Variants in CACNA2D1 observed in about 807,000 individuals in gnomAD.
The protein encoded by CACNA2D1 is calcium voltage-gated channel auxiliary subunit alpha2delta 1.
A neutral mutation model predicts 171.5 loss-of-function variants in CACNA2D1; 53 were observed. That is an observed-to-expected ratio of 0.31 (90% CI 0.25 to 0.39). The LOEUF (loss-of-function observed/expected upper bound fraction) is 0.39, where lower values mean the gene tolerates loss of function less well. CACNA2D1 is among the 10% of genes least tolerant of loss of function. The pLI is 1.00. For missense variants in CACNA2D1, 903 were observed against 1,299.8 expected (o/e 0.69, Z 4.69); for synonymous variants, 442 against 443.1 (o/e 1.00, Z 0.03).
chr7:82,071,615 A>G (rs1808328043), intron 7 of CACNA2D1, among the ~76,000 whole-genome samples: 2 of 152,008 alleles, frequency 1.3e-5, no homozygotes, highest in African/African-American at 4.8e-5. Flanking sequence ...TATGGGGAGG[A>G]GCTGAATATG....
intron 1 of CACNA2D1, among the ~76,000 whole-genome samples, chr7:82,422,450 T>A (rs1253254310): frequency 6.6e-6 from 1 of 152,178 alleles, no homozygotes; most frequent in African/African-American, 2.4e-5. Context: ...TGTCTAGCAC[T>A]ATTTATATTG....
chr7:82,057,111 C>G (rs747310603), intron 10 of CACNA2D1, among the ~76,000 whole-genome samples: 1 of 152,090 alleles, frequency 6.6e-6, no homozygotes, highest in African/African-American at 2.4e-5. Context: ...TGTGCTGAAG[C>G]CAGCTTGTAA....
chr7:82,438,865 G>A (rs541600656), intron 1 of CACNA2D1, among the ~76,000 whole-genome samples: 10 of 152,090 alleles, frequency 6.6e-5, no homozygotes, highest in African/African-American at 1.7e-4. Context: ...ATAATGGACC[G>A]TTGTCATTTT....
intron 3 of CACNA2D1, among the ~76,000 whole-genome samples, chr7:82,180,840 C>A (rs1797046367): frequency 6.6e-6 from 1 of 151,714 alleles, no homozygotes; most frequent in African/African-American, 2.4e-5. Context: ...GGAAGAGGGA[C>A]AGAGAGAAAT....
At chr7:82,314,975 C>CTTTTTTTT (rs35145517) in intron 3 of CACNA2D1, among the ~76,000 whole-genome samples, 2 of 124,554 alleles carry the variant, frequency 1.6e-5, no homozygotes, top group Admixed American at 8.2e-5. Flanking sequence ...AGCATATTAT[C>CTTTTTTTT]TTTTTTTTTT....
chr7:82,383,318 C>T (rs866392303), intron 1 of CACNA2D1, among the ~76,000 whole-genome samples: 7 of 152,322 alleles, frequency 4.6e-5, no homozygotes, highest in Non-Finnish European at 8.8e-5. Context: ...GTAGGCAAGA[C>T]TGCCAGCGGT....
intron 3 of CACNA2D1, among the ~76,000 whole-genome samples, chr7:82,287,331 T>C (rs1426530209): frequency 6.6e-6 from 1 of 152,002 alleles, no homozygotes; most frequent in African/African-American, 2.4e-5. Context: ...ACTTAAATTA[T>C]ATTTAGGCAG....
intron 5 of CACNA2D1, among the ~76,000 whole-genome samples, chr7:82,125,388 T>A (rs1212997270): frequency 2.6e-5 from 4 of 152,194 alleles, no homozygotes; most frequent in Non-Finnish European, 5.9e-5. Flanking sequence ...ACTGAAGTCT[T>A]CTGAGGAATT....
At chr7:82,186,710 T>C (rs747566757) in intron 3 of CACNA2D1, among the ~76,000 whole-genome samples, 13 of 152,078 alleles carry the variant, frequency 8.5e-5, no homozygotes, top group Non-Finnish European at 1.5e-4. Context: ...ACAAAAGAAA[T>C]AGAAGGTAAG....
At chr7:82,060,160 TATATAATATATATATATA>T (rs1806485059) in intron 10 of CACNA2D1, among the ~76,000 whole-genome samples, 2 of 34,646 alleles carry the variant, frequency 5.8e-5, no homozygotes, top group Non-Finnish European at 1.1e-4. Context: ...GTATTATATA[TATATAATATATATATATA>T]ATATATATAT....
chr7:81,951,970 T>TTTTTTTTTTTTGTTGTTG lies in CACNA2D1; in HGVS notation c.3160-1463_3160-1462insCAACAACAAAAAAAAAAA, dbSNP rs1554321656. ...ATTCCCACCAGCAGTGTACAAAGTG[T>TTTTTTTTTTTTGTTGTTG]TTTTTTTTTTTTTTTTTTTTTAACC... On this transcript the variant is annotated intron_variant, in intron 38 of 38. Coordinates refer to ENST00000356860, the MANE Select transcript of CACNA2D1 (RefSeq NM_000722.4). Among the ~76,000 whole-genome samples the TTTTTTTTTTTTGTTGTTG allele has an allele frequency of 2.1e-4, 5 of 23,956 alleles. No individual in the cohort carries two copies. The East Asian group carries it at 3.2e-3, about 15-fold the overall frequency. The allele number at this position is 23,956 out of a possible 152,430, so 15.7% of individuals were successfully genotyped here.
intron 26 of CACNA2D1, 89 bp from the exon 27 acceptor site, chr7:81,970,826 T>G (rs2130438345): frequency 1.3e-6 from 1 of 796,786 alleles, no homozygotes; most frequent in Non-Finnish European, 2.3e-6. Context: ...AGAAGTAAGT[T>G]TAGGAAGTAA....
At chr7:82,070,982 T>C (rs922864909) in intron 7 of CACNA2D1, among the ~76,000 whole-genome samples, 1 of 152,132 alleles carries the variant, frequency 6.6e-6, no homozygotes, top group Admixed American at 6.6e-5. Flanking sequence ...TATTAAGAAT[T>C]ATTTCTAGAC....
chr7:81,988,120 A>C (rs1797162451), intron 21 of CACNA2D1, among the ~76,000 whole-genome samples: 1 of 152,166 alleles, frequency 6.6e-6, no homozygotes, highest in Non-Finnish European at 1.5e-5. Flanking sequence ...AAAAGAACCC[A>C]GTTTTTCTCA....
chr7:82,180,404 G>A lies in CACNA2D1; in HGVS notation c.295-9795C>T, dbSNP rs113337108. ...ATACTGATGCGAACACAAAGCTCAC[G>A]CTACCTACTGTGCCATGAGGCATAA... On this transcript the variant is annotated intron_variant, in intron 3 of 38. Coordinates refer to ENST00000356860, the MANE Select transcript of CACNA2D1 (RefSeq NM_000722.4). Among the ~76,000 whole-genome samples, 7 of 152,212 alleles carry A rather than the reference G, an allele frequency of 4.6e-5. 1 individual carries two copies. The highest frequency in any genetic ancestry group is 1.9e-4 in the East Asian group (1 of 5,154).
intron 4 of CACNA2D1, among the ~76,000 whole-genome samples, chr7:82,150,012 T>C (rs1200566464): frequency 6.6e-6 from 1 of 151,602 alleles, no homozygotes; most frequent in Non-Finnish European, 1.5e-5. Flanking sequence ...GTGCATGCAC[T>C]GAGGAGATGT....
intron 3 of CACNA2D1, among the ~76,000 whole-genome samples, chr7:82,303,045 G>C (rs944715865): frequency 2.6e-5 from 4 of 152,146 alleles, no homozygotes; most frequent in Admixed American, 2.0e-4. Flanking sequence ...CCAGGCTGGA[G>C]TGCAGTGGTG....
intron 3 of CACNA2D1, among the ~76,000 whole-genome samples, chr7:82,332,510 TAAAGAAAGAAAGAAAGAAAG>T (rs757450961): frequency 2.6e-4 from 24 of 92,650 alleles, no homozygotes; most frequent in African/African-American, 6.1e-4. Flanking sequence ...AAAAGAAATA[TAAAGAAAGAAAGAAAGAAAG>T]AAAGAAAGAA....
chr7:82,175,290 T>C (rs1796446828), intron 3 of CACNA2D1, among the ~76,000 whole-genome samples: 1 of 152,046 alleles, frequency 6.6e-6, no homozygotes, highest in African/African-American at 2.4e-5. Flanking sequence ...CAAATATCAC[T>C]AAATTTCAAA....
Sources: allele counts gnomAD v4.1 joint callset (sites outside exome capture counted in the v4.1 genomes callset), GRCh38; gene constraint gnomAD v4.1.1; transcripts MANE v1.5; gene names NCBI Gene and HGNC (gene_info 2026-07-23, HGNC 2026-07-21).